Variants in FHIP1A observed in about 807,000 individuals in gnomAD.
FHIP1A encodes FHF complex subunit HOOK interacting protein 1A.
A neutral mutation model predicts 88.6 loss-of-function variants in FHIP1A; 61 were observed. That is an observed-to-expected ratio of 0.69 (90% CI 0.56 to 0.85). FHIP1A has a LOEUF of 0.85. FHIP1A is among the 40% of genes least tolerant of loss of function. The pLI is 0.00. For synonymous variants in FHIP1A, 478 were observed against 496.0 expected (o/e 0.96, Z 0.48); for missense variants, 1,154 against 1,273.5 (o/e 0.91, Z 1.43).
chr4:151,639,344 C>T lies in FHIP1A; in HGVS notation c.1226+588C>T, dbSNP rs143214137. On this transcript the variant is annotated intron_variant, in intron 9 of 13. Transcript: ENST00000435205. ...TTATGAAGTGGCTGGGATTTGAGGA[C>T]GAGTATTAGGAGTCAAAGTGCACAG... Among the ~76,000 whole-genome samples the T allele has an allele frequency of 3.9e-3, 598 of 152,178 alleles. 6 individuals carry two copies. The highest frequency in any genetic ancestry group is 0.013 in the South Asian group (62 of 4,808).
intron 7 of FHIP1A, among the ~76,000 whole-genome samples, chr4:151,629,174 G>A (rs374056627): frequency 1.7e-4 from 26 of 152,274 alleles, no homozygotes; most frequent in South Asian, 1.7e-3. Context: ...CGGAACATCT[G>A]TAGCACTTTG....
At chr4:151,510,751 A>C (rs562332697) in intron 3 of FHIP1A, among the ~76,000 whole-genome samples, 1 of 152,344 alleles carries the variant, frequency 6.6e-6, no homozygotes, top group African/African-American at 2.4e-5. Context: ...AGCAGTAAGG[A>C]ATCTAAAGGT....
rs1191490823 is a variant in FHIP1A at position 151,644,180 on chromosome 4, C to T, written c.1227-2378C>T. On this transcript the variant is annotated intron_variant, in intron 9 of 13. Coordinates refer to ENST00000435205, the MANE Select transcript of FHIP1A (RefSeq NM_001109977.3). ...CTGTGTAATCCGAATTTCTCTAGGCCTCACCAGCCTATAGGAAGAGTTCAC... is the reference window on the plus strand; with the variant it reads ...CTGTGTAATCCGAATTTCTCTAGGCTTCACCAGCCTATAGGAAGAGTTCAC... Among the ~76,000 whole-genome samples, 3 of 152,078 alleles carry T rather than the reference C, an allele frequency of 2.0e-5. No individual in the cohort carries two copies. In the East Asian group the frequency reaches 5.8e-4, roughly 29 times the overall value.
intron 8 of FHIP1A, among the ~76,000 whole-genome samples, chr4:151,631,303 A>G (rs946140072): frequency 6.6e-6 from 1 of 152,164 alleles, no homozygotes; most frequent in Admixed American, 6.5e-5. Context: ...GGAGGATATT[A>G]CTATCAACCT....
intron 2 of FHIP1A, among the ~76,000 whole-genome samples, chr4:151,480,591 C>T (rs886665082): frequency 1.3e-5 from 2 of 151,892 alleles, no homozygotes; most frequent in Admixed American, 6.6e-5. Context: ...AAACCCCTTG[C>T]GATTAAATGG....
At chr4:151,577,315 A>G (rs1225286047) in intron 4 of FHIP1A, 135 bp from the exon 5 acceptor site, 4 of 727,596 alleles carry the variant, frequency 5.5e-6, no homozygotes, top group Middle Eastern at 2.8e-4. Flanking sequence ...ACACACACAC[A>G]CACACAATGC....
At chr4:151,559,507 A>G (rs529748357) in intron 3 of FHIP1A, among the ~76,000 whole-genome samples, 1 of 152,194 alleles carries the variant, frequency 6.6e-6, no homozygotes, top group African/African-American at 2.4e-5. Context: ...CATATGGGCT[A>G]ATACATTGCT....
intron 3 of FHIP1A, among the ~76,000 whole-genome samples, chr4:151,491,824 A>G (rs979778490): frequency 1.3e-5 from 2 of 152,198 alleles, no homozygotes; most frequent in African/African-American, 4.8e-5. Context: ...ATGGAAACAT[A>G]GAAACCAAAA....
chr4:151,440,790 T>C (rs147989648), intron 1 of FHIP1A, among the ~76,000 whole-genome samples: 4 of 152,306 alleles, frequency 2.6e-5, no homozygotes, highest in African/African-American at 7.2e-5. Flanking sequence ...ATGCCTGATA[T>C]GCTTCCTCTG....
intron 3 of FHIP1A, among the ~76,000 whole-genome samples, chr4:151,502,607 G>A (rs897629242): frequency 1.4e-4 from 22 of 152,052 alleles, no homozygotes; most frequent in African/African-American, 5.1e-4. Flanking sequence ...AATGAGCAGA[G>A]CCTAAGGGAC....
chr4:151,473,643 T>G (rs1327260270), intron 2 of FHIP1A, among the ~76,000 whole-genome samples: 1 of 152,168 alleles, frequency 6.6e-6, no homozygotes. Flanking sequence ...AGGGCAAACT[T>G]ATCAGGTTAT....
chr4:151,502,446 G>A (rs1359616701), intron 3 of FHIP1A, among the ~76,000 whole-genome samples: 1 of 152,152 alleles, frequency 6.6e-6, no homozygotes, highest in Non-Finnish European at 1.5e-5. Context: ...TAGAAATTCA[G>A]GAGCTGAAAG....
chr4:151,513,280 C>T (rs975568084), intron 3 of FHIP1A, among the ~76,000 whole-genome samples: 1 of 152,130 alleles, frequency 6.6e-6, no homozygotes, highest in Non-Finnish European at 1.5e-5. Flanking sequence ...CCAGGCTTGC[C>T]CTAAAAGAGC....
intron 8 of FHIP1A, among the ~76,000 whole-genome samples, chr4:151,636,491 T>C (rs1736360311): frequency 6.6e-6 from 1 of 152,008 alleles, no homozygotes; most frequent in South Asian, 2.1e-4. Context: ...GACATGCTCT[T>C]GTATGTAAAA....
In FHIP1A at chr4:151,472,480, C is replaced by A. The variant is rs56009019; in HGVS notation, c.-247-10044C>A. Among the ~76,000 whole-genome samples the A allele has an allele frequency of 7.9e-3, 1,198 of 152,196 alleles. 11 individuals are homozygous for A. Among genetic ancestry groups the A allele is most frequent in the African/African-American group, 0.028 (1,149 of 41,522 alleles). On this transcript the variant is annotated intron_variant, in intron 2 of 13. Coordinates refer to ENST00000435205, the MANE Select transcript of FHIP1A (RefSeq NM_001109977.3). ...CAAGTCTTTGCCTTCAAGATCACAG[C>A]CACCTGTGGGGATAAAAACATGTAA... is the stretch of plus-strand genomic sequence containing the variant.
chr4:151,604,402 A>G (rs1173312762), intron 7 of FHIP1A, among the ~76,000 whole-genome samples: 1 of 152,136 alleles, frequency 6.6e-6, no homozygotes, highest in South Asian at 2.1e-4. Flanking sequence ...GGGCTTTTCA[A>G]TTAATTCACA....
intron 4 of FHIP1A, among the ~76,000 whole-genome samples, chr4:151,568,152 C>A (rs978046373): frequency 2.6e-5 from 4 of 152,144 alleles, no homozygotes; most frequent in African/African-American, 9.7e-5. Flanking sequence ...CTATTGGTCC[C>A]AGAATCATAT....
Position 151,577,539 on chromosome 4 carries a change from G to C in FHIP1A, c.195G>C (p.Gln65His). The part of the protein sequence containing the change: ...SIPPDEASAV[Q>H]NYVEHMLFLL... ...CTCCAGATGAGGCCAGTGCCGTGCAGAATTACGTAGAACACATGCTCTTCT... is the reference window on the plus strand; with the variant it reads ...CTCCAGATGAGGCCAGTGCCGTGCACAATTACGTAGAACACATGCTCTTCT... Residue 65 changes from glutamine (Q) to histidine (H), a missense_variant, in exon 5 of 14, where the codon CAG becomes CAC. Coordinates refer to ENST00000435205, the MANE Select transcript of FHIP1A (RefSeq NM_001109977.3). 6.4e-7 allele frequency: 1 copy of C among 1,551,820 alleles called. No homozygotes were observed. Among genetic ancestry groups the C allele is most frequent in the African/African-American group, 1.4e-5 (1 of 73,144 alleles).
At chr4:151,584,767 G>T (rs1474951239) in intron 5 of FHIP1A, among the ~76,000 whole-genome samples, 2 of 152,050 alleles carry the variant, frequency 1.3e-5, no homozygotes, top group African/African-American at 4.8e-5. Flanking sequence ...TAACAATACT[G>T]TGCTTCTCTT....
Sources: gnomAD v4.1 joint callset for allele counts (sites outside exome capture counted in the v4.1 genomes callset) on GRCh38, gnomAD v4.1.1 for gene constraint, MANE v1.5 for transcripts, NCBI Gene and HGNC (gene_info 2026-07-23, HGNC 2026-07-21) for gene names.